GHR: variants seen among roughly 807,000 people sequenced by gnomAD.
GHR encodes growth hormone receptor, also known as GH receptor.
Under a neutral mutation model 67.1 loss-of-function variants are expected in GHR, and 35 were observed. That is an observed-to-expected ratio of 0.52 (90% CI 0.40 to 0.69). The LOEUF is 0.69. Ranked by LOEUF, GHR falls within the 30% of genes least tolerant of loss-of-function variation. GHR has a pLI of 0.00. For missense variants in GHR, 792 were observed against 764.6 expected, an observed-to-expected ratio of 1.04 and a Z score of -0.42; for synonymous variants, 272 against 269.1, an observed-to-expected ratio of 1.01 and a Z score of -0.10.
At chr5:42,625,309 T>G (rs935682137) in intron 2 of GHR, among the ~76,000 whole-genome samples, 2 of 151,498 alleles carry the variant, frequency 1.3e-5, no homozygotes, top group African/African-American at 2.4e-5. Flanking sequence ...TATTAAGGAC[T>G]GAAACAAAAG....
chr5:42,451,829 G>A lies in GHR; in HGVS notation c.-12+27874G>A, dbSNP rs189879865. Among the ~76,000 whole-genome samples, 59 of 152,160 alleles carry A rather than the reference G, an allele frequency of 3.9e-4. No homozygotes were observed. In the East Asian group the frequency reaches 8.7e-3, roughly 22 times the overall value. ...GTTACGTGGGTCTCTTGACAACAGC[G>A]GATACTTGGTTGTCGGATTTCTCTC... On this transcript the variant is annotated intron_variant, in intron 1 of 9. Transcript: ENST00000230882.
chr5:42,609,362 G>A (rs1752779168), intron 2 of GHR, among the ~76,000 whole-genome samples: 1 of 152,200 alleles, frequency 6.6e-6, no homozygotes, highest in Non-Finnish European at 1.5e-5. Flanking sequence ...GGGGCACAGA[G>A]CAGGGAAGAC....
At chr5:42,562,479 A>G (rs1300452071) in intron 1 of GHR, among the ~76,000 whole-genome samples, 1 of 151,704 alleles carries the variant, frequency 6.6e-6, no homozygotes, top group Non-Finnish European at 1.5e-5. Flanking sequence ...AACTGCATTC[A>G]CCTCCTGTTT....
chr5:42,671,955 C>CAAAAAAAAA (rs33965774), intron 3 of GHR, among the ~76,000 whole-genome samples: 1 of 111,190 alleles, frequency 9.0e-6, no homozygotes, highest in African/African-American at 3.7e-5. Flanking sequence ...GACTCCGTCT[C>CAAAAAAAAA]AAAAAAAAAA....
At chr5:42,609,171 C>T (rs1251790744) in intron 2 of GHR, among the ~76,000 whole-genome samples, 1 of 152,148 alleles carries the variant, frequency 6.6e-6, no homozygotes. Context: ...CCTGAAAGGT[C>T]ACAGTGTTCT....
At chr5:42,494,206 G>A (rs953647371) in intron 1 of GHR, among the ~76,000 whole-genome samples, 1 of 152,178 alleles carries the variant, frequency 6.6e-6, no homozygotes, top group African/African-American at 2.4e-5. Context: ...GGATTTTTAG[G>A]CTTTCTTTCT....
chr5:42,659,930 T>A (rs898233629), intron 3 of GHR, among the ~76,000 whole-genome samples: 25 of 152,090 alleles, frequency 1.6e-4, no homozygotes, highest in Non-Finnish European at 3.4e-4. Flanking sequence ...CTGACGGGCT[T>A]AAAAAACGGC....
At chr5:42,600,403 G>A (rs1752313740) in intron 2 of GHR, among the ~76,000 whole-genome samples, 1 of 152,196 alleles carries the variant, frequency 6.6e-6, no homozygotes, top group African/African-American at 2.4e-5. Context: ...GCTCTGGAAT[G>A]CCCTTTTATA....
At chr5:42,647,109 G>A (rs1219045102) in intron 3 of GHR, among the ~76,000 whole-genome samples, 3 of 152,024 alleles carry the variant, frequency 2.0e-5, no homozygotes, top group Non-Finnish European at 4.4e-5. Flanking sequence ...ATAGTATGTG[G>A]GTGATGCCGC....
At chr5:42,504,140 T>C (rs191960530) in intron 1 of GHR, among the ~76,000 whole-genome samples, 1 of 152,312 alleles carries the variant, frequency 6.6e-6, no homozygotes, top group Admixed American at 6.5e-5. Flanking sequence ...TTTGGAGTTA[T>C]CCTGCAAAGC....
At chr5:42,565,801 T>A in intron 1 of GHR, 63 bp from the exon 2 acceptor site, 4 of 1,613,242 alleles carry the variant, frequency 2.5e-6, no homozygotes, top group Non-Finnish European at 3.4e-6. Flanking sequence ...CTTTAAACAG[T>A]ATTTCATGAT....
intron 3 of GHR, among the ~76,000 whole-genome samples, chr5:42,681,571 C>T (rs920201473): frequency 6.6e-6 from 1 of 152,164 alleles, no homozygotes; most frequent in African/African-American, 2.4e-5. Flanking sequence ...GGATCTAGAA[C>T]TAGAAATACC....
At chr5:42,586,478 T>A (rs1046573213) in intron 2 of GHR, among the ~76,000 whole-genome samples, 5 of 152,164 alleles carry the variant, frequency 3.3e-5, no homozygotes, top group African/African-American at 7.2e-5. Flanking sequence ...AAGATGGAAA[T>A]TGGCTCGATG....
At chr5:42,715,934 G>T (rs1758698374) in intron 8 of GHR, among the ~76,000 whole-genome samples, 1 of 152,050 alleles carries the variant, frequency 6.6e-6, no homozygotes, top group South Asian at 2.1e-4. Context: ...TTATTCCTCT[G>T]CATGACCTGC....
At chr5:42,567,239 A>T (rs1480990679) in intron 2 of GHR, among the ~76,000 whole-genome samples, 1 of 152,224 alleles carries the variant, frequency 6.6e-6, no homozygotes, top group Admixed American at 6.5e-5. Flanking sequence ...TGAGGAATTT[A>T]AAAAACTTGT....
intron 1 of GHR, among the ~76,000 whole-genome samples, chr5:42,508,762 G>C (rs747392618): frequency 1.2e-4 from 18 of 152,102 alleles, no homozygotes; most frequent in Non-Finnish European, 1.8e-4. Context: ...TTTTAGTAGA[G>C]ACGGGGTTTC....
At chr5:42,562,371 C>G (rs949710172) in intron 1 of GHR, among the ~76,000 whole-genome samples, 1 of 152,096 alleles carries the variant, frequency 6.6e-6, no homozygotes, top group Non-Finnish European at 1.5e-5. Flanking sequence ...TAATAAAGCC[C>G]TTATCTTCTG....
At chr5:42,673,955 A>G (rs985517182) in intron 3 of GHR, among the ~76,000 whole-genome samples, 1 of 152,214 alleles carries the variant, frequency 6.6e-6, no homozygotes, top group African/African-American at 2.4e-5. Context: ...AAAGGATAGA[A>G]ACTAGTCATC....
chr5:42,671,326 TAAAC>T (rs1756283985), intron 3 of GHR, among the ~76,000 whole-genome samples: 1 of 151,588 alleles, frequency 6.6e-6, no homozygotes, highest in Non-Finnish European at 1.5e-5. Flanking sequence ...GCCACACACT[TAAAC>T]AATCAGGTCT....
Sources: gnomAD v4.1 joint callset for allele counts (sites outside exome capture counted in the v4.1 genomes callset) on GRCh38, gnomAD v4.1.1 for gene constraint, MANE v1.5 for transcripts, NCBI Gene and HGNC (gene_info 2026-07-23, HGNC 2026-07-21) for gene names.